Variants in TPM1 observed in about 807,000 individuals in gnomAD.
The protein encoded by TPM1 is tropomyosin alpha-1 chain.
In TPM1, 24 loss-of-function variants were observed where a neutral mutation model predicts 42.9. The observed-to-expected ratio is 0.56, with a 90% CI of 0.41 to 0.79. TPM1 has a LOEUF of 0.79. Among genes scored for constraint, TPM1 ranks in the 30% least tolerant of loss-of-function variants. The probability of loss-of-function intolerance (pLI) is 0.00; values close to 1 mark genes in which losing one functional copy is unlikely to be tolerated. For synonymous variants in TPM1, 136 were observed against 130.1 expected, an observed-to-expected ratio of 1.05 and a Z score of -0.31; for missense variants, 158 against 351.8, an observed-to-expected ratio of 0.45 and a Z score of 4.41.
intron 2 of TPM1, chr15:63,054,348 T>A (rs960184960): frequency 6.6e-6 from 1 of 152,254 alleles, no homozygotes; most frequent in African/African-American, 2.4e-5. Flanking sequence ...AACAGCATTC[T>A]GTAAACACAG....
chr15:63,056,942 C>G, intron 2 of TPM1, 43 bp from the exon 3 acceptor site: 2 of 1,613,776 alleles, frequency 1.2e-6, no homozygotes, highest in Non-Finnish European at 1.7e-6. Flanking sequence ...CTACCACCCT[C>G]ACTTTCTCCC....
chr15:63,048,790 C>T lies in TPM1; in HGVS notation c.240+4638C>T, dbSNP rs567601554. On this transcript the variant is annotated intron_variant, in intron 2 of 9. Transcript: ENST00000403994. ...CCGCAGGGCCCTCCTGCTTCCCCCC[C>T]CGCAGGCCCCGGTCCCTCGTCCCCA... The T allele has an allele frequency of 1.4e-3, 2,025 of 1,495,406 alleles. 33 individuals carry two copies. The East Asian group carries it at 0.022, about 16-fold the overall frequency. The allele number at this position is 1,495,406 out of a possible 1,614,324, so 92.6% of individuals were successfully genotyped here.
In TPM1 at chr15:63,064,059, C is replaced by T. The variant is rs754213660; in HGVS notation, c.773-5C>T. On this transcript the variant is annotated splice_polypyrimidine_tract_variant and splice_region_variant and intron_variant, in intron 8 of 9. Coordinates refer to ENST00000403994, the MANE Select transcript of TPM1 (RefSeq NM_001018005.2). ...GCACCTCTGCCTTCCACTTCCTGGT[C>T]ATAGACGAGCTGTACGCTCAGAAAC... is the stretch of plus-strand genomic sequence containing the variant. 4.3e-6 allele frequency: 7 copies of T among 1,613,798 alleles called. No homozygotes were observed. The Admixed American group carries it at 8.3e-5, about 19-fold the overall frequency.
At chr15:63,066,551 T>C (rs1438870114), downstream of TPM1, among the ~76,000 whole-genome samples, 1 of 152,230 alleles carries the variant, frequency 6.6e-6, no homozygotes, top group Non-Finnish European at 1.5e-5. Flanking sequence ...GAAAGGCTCA[T>C]GATGAATGGT....
At chr15:63,048,718 C>T in intron 2 of TPM1, 2 of 1,535,112 alleles carry the variant, frequency 1.3e-6, no homozygotes, top group East Asian at 5.1e-5. Flanking sequence ...GTAAGGGATA[C>T]ACCCATCACC....
At chr15:63,063,797 A>G (rs1388745777) in intron 8 of TPM1, 4 of 472,702 alleles carry the variant, frequency 8.5e-6, no homozygotes, top group Non-Finnish European at 1.1e-5. Flanking sequence ...GTTTACTGAT[A>G]TACCTACCAT....
At chr15:63,062,441 G>A (rs2035766693) in intron 7 of TPM1, 135 bp from the exon 8 acceptor site, 1 of 1,271,334 alleles carries the variant, frequency 7.9e-7, no homozygotes, top group Admixed American at 1.8e-5. Context: ...TCTCACAGAG[G>A]TGACTGAAAC....
chr15:63,064,183 A>G (rs3218718), intron 9 of TPM1, 41 bp downstream of exon 9: 3 of 1,600,674 alleles, frequency 1.9e-6, no homozygotes, highest in East Asian at 4.5e-5. Context: ...CCCTGCCCTC[A>G]TGCTAATGTA....
chr15:63,066,230 A>T, downstream of TPM1: 4 of 1,266,504 alleles, frequency 3.2e-6, no homozygotes, highest in South Asian at 7.4e-5. Context: ...TGAACACTAT[A>T]CAGAATTATA....
chr15:63,061,233 T>C (rs1317273938), intron 5 of TPM1: 1 of 1,614,206 alleles, frequency 6.2e-7, no homozygotes. Context: ...TTAAGAATAA[T>C]GGATCAGACC....
Position 63,062,284 on chromosome 15 carries a change from T to A in TPM1, c.702+7T>A, listed in dbSNP as rs201873332. 1.9e-6 allele frequency: 3 copies of A among 1,613,416 alleles called. No individual in the cohort carries two copies. The East Asian group carries it at 6.7e-5, about 36-fold the overall frequency. The stretch of plus-strand genomic sequence containing the variant: ...TTCCGACAAGCTGAAGGAGGTAATA[T>A]GAGAGTTGTGGATGAAGCCAACTGG... On this transcript the variant is annotated splice_region_variant and intron_variant, in intron 7 of 9. Transcript: ENST00000403994.
intron 3 of TPM1, among the ~76,000 whole-genome samples, chr15:63,058,564 C>T (rs2035135503): frequency 6.6e-6 from 1 of 152,058 alleles, no homozygotes; most frequent in Non-Finnish European, 1.5e-5. Flanking sequence ...GAAAACTTAG[C>T]CAGGCGTGGT....
At chr15:63,065,860 C>A in intron 9 of TPM1, 36 bp from the exon 10 acceptor site, 1 of 1,530,854 alleles carries the variant, frequency 6.5e-7, no homozygotes, top group Non-Finnish European at 8.9e-7. Flanking sequence ...CATTGTGCCA[C>A]TTTTTTTTTC....
chr15:63,056,916 C>T, intron 2 of TPM1, 69 bp from the exon 3 acceptor site: 1 of 1,608,662 alleles, frequency 6.2e-7, no homozygotes, highest in South Asian at 1.1e-5. Context: ...ATTGCAGTCC[C>T]AGCCATTTCC....
chr15:63,044,442 A>C (rs2031960981), intron 2 of TPM1: 1 of 596,694 alleles, frequency 1.7e-6, no homozygotes, highest in Admixed American at 2.9e-5. Context: ...CTGGAGGTGA[A>C]CTTCACCTCC....
chr15:63,063,311 G>T, intron 8 of TPM1: 1 of 985,398 alleles, frequency 1.0e-6, no homozygotes. Context: ...ACTAGTGTTT[G>T]GTGCAGATAA....
chr15:63,052,076 T>C (rs1238816072), intron 2 of TPM1, among the ~76,000 whole-genome samples: 1 of 152,170 alleles, frequency 6.6e-6, no homozygotes, highest in Non-Finnish European at 1.5e-5. Flanking sequence ...CTTAAAAACA[T>C]CTGCAGGAGG....
At chr15:63,064,441 A>G in intron 9 of TPM1, 1 of 1,200,924 alleles carries the variant, frequency 8.3e-7, no homozygotes, top group Non-Finnish European at 1.0e-6. Context: ...ATTAAGCTAA[A>G]CTCAAGTAAA....
intron 9 of TPM1, chr15:63,065,389 G>A (rs2036163985): frequency 1.0e-6 from 1 of 990,422 alleles, no homozygotes; most frequent in Non-Finnish European, 1.2e-6. Context: ...AGAAAAAATG[G>A]TAACTTGAAG....
Sources: gnomAD v4.1 joint callset for allele counts (sites outside exome capture counted in the v4.1 genomes callset) on GRCh38, gnomAD v4.1.1 for gene constraint, MANE v1.5 for transcripts, NCBI Gene and HGNC (gene_info 2026-07-23, HGNC 2026-07-21) for gene names.